UTRN: variants seen among roughly 807,000 people sequenced by gnomAD.
UTRN encodes the protein dystrophin-related protein 1.
In UTRN, 283 loss-of-function variants were observed where a neutral mutation model predicts 463.9. That is an observed-to-expected ratio of 0.61 (90% CI 0.55 to 0.67). UTRN has a LOEUF of 0.67. UTRN is among the 30% of genes least tolerant of loss of function. The probability of loss-of-function intolerance (pLI) is 0.00; values close to 1 mark genes in which losing one functional copy is unlikely to be tolerated. For synonymous variants in UTRN, 1,442 were observed against 1,431.5 expected, an observed-to-expected ratio of 1.01 and a Z score of -0.17; for missense variants, 3,922 against 4,084.3, an observed-to-expected ratio of 0.96 and a Z score of 1.08.
chr6:144,335,250 T>TCAACAAGCCA (rs1776629796), intron 2 of UTRN, among the ~76,000 whole-genome samples: 1 of 152,264 alleles, frequency 6.6e-6, no homozygotes, highest in African/African-American at 2.4e-5. Context: ...AGGAATGGCT[T>TCAACAAGCCA]GTTGACCACT....
At chr6:144,388,743 C>G (rs1303474157) in intron 2 of UTRN, among the ~76,000 whole-genome samples, 2 of 152,096 alleles carry the variant, frequency 1.3e-5, no homozygotes, top group African/African-American at 2.4e-5. Flanking sequence ...CTCAAGCAGT[C>G]CACCCACTTG....
intron 28 of UTRN, among the ~76,000 whole-genome samples, chr6:144,487,266 A>G (rs1792557650): frequency 6.6e-6 from 1 of 152,166 alleles, no homozygotes; most frequent in Non-Finnish European, 1.5e-5. Flanking sequence ...CTTGGGCTCA[A>G]GTGATCCTCC....
At chr6:144,664,559 T>G (rs1212870491) in intron 51 of UTRN, among the ~76,000 whole-genome samples, 2 of 150,430 alleles carry the variant, frequency 1.3e-5, no homozygotes, top group Non-Finnish European at 2.9e-5. Context: ...CCACCTCGAG[T>G]CTTACCTATA....
At chr6:144,695,210 ACC>A (rs1783865509) in intron 52 of UTRN, among the ~76,000 whole-genome samples, 1 of 152,208 alleles carries the variant, frequency 6.6e-6, no homozygotes, top group Non-Finnish European at 1.5e-5. Flanking sequence ...TGCTAGATCT[ACC>A]CTAAGTGTTT....
chr6:144,762,287 A>G (rs933220622), intron 58 of UTRN, among the ~76,000 whole-genome samples: 3 of 152,174 alleles, frequency 2.0e-5, no homozygotes, highest in Non-Finnish European at 2.9e-5. Flanking sequence ...CCTGGCCCCA[A>G]TATTAGTTGA....
intron 53 of UTRN, among the ~76,000 whole-genome samples, chr6:144,721,070 A>C (rs973789527): frequency 2.0e-5 from 3 of 152,180 alleles, no homozygotes; most frequent in African/African-American, 7.2e-5. Flanking sequence ...AGAAAATTTG[A>C]ATGTTTTCTT....
Position 144,291,911 on chromosome 6 carries a change from G to A in UTRN, c.79+4G>A, listed in dbSNP as rs2114509916. The A allele has an allele frequency of 1.9e-6, 3 of 1,604,248 alleles. No homozygotes were observed. The highest frequency in any genetic ancestry group is 2.6e-6 in the Non-Finnish European group (3 of 1,175,782). On this transcript the variant is annotated splice_donor_region_variant and intron_variant, in intron 2 of 74. Coordinates refer to ENST00000367545, the MANE Select transcript of UTRN (RefSeq NM_007124.3). ...GATATCATTAAGTCCAGATCTGGTAGGTAAAGGAAGCTCAAGAAAGCTATG... is the reference window on the plus strand; with the variant it reads ...GATATCATTAAGTCCAGATCTGGTAAGTAAAGGAAGCTCAAGAAAGCTATG...
At chr6:144,709,993 T>A (rs1043901687) in intron 53 of UTRN, among the ~76,000 whole-genome samples, 1 of 152,216 alleles carries the variant, frequency 6.6e-6, no homozygotes, top group South Asian at 2.1e-4. Flanking sequence ...ACCAAATGTC[T>A]TAATGTTAAA....
intron 50 of UTRN, among the ~76,000 whole-genome samples, chr6:144,566,827 G>A (rs1188840952): frequency 6.6e-6 from 1 of 152,094 alleles, no homozygotes; most frequent in Non-Finnish European, 1.5e-5. Flanking sequence ...TAAAGGATCT[G>A]AGAGAAAAAG....
At chr6:144,725,264 C>T (rs1297381699) in intron 53 of UTRN, among the ~76,000 whole-genome samples, 7 of 152,194 alleles carry the variant, frequency 4.6e-5, no homozygotes, top group African/African-American at 1.4e-4. Flanking sequence ...GCTCTTCCTT[C>T]GTCTTCTGCA....
intron 65 of UTRN, among the ~76,000 whole-genome samples, chr6:144,819,460 T>C (rs1779367534): frequency 1.3e-5 from 2 of 152,090 alleles, no homozygotes; most frequent in Non-Finnish European, 2.9e-5. Context: ...TTTGGGAATC[T>C]GAGGCAGGTG....
chr6:144,661,182 T>C (rs1441036673), intron 51 of UTRN, among the ~76,000 whole-genome samples: 1 of 152,164 alleles, frequency 6.6e-6, no homozygotes, highest in Non-Finnish European at 1.5e-5. Flanking sequence ...ACAAATACTG[T>C]AGAAGCGGGA....
intron 48 of UTRN, among the ~76,000 whole-genome samples, chr6:144,551,734 A>T (rs1798937025): frequency 6.6e-6 from 1 of 152,182 alleles, no homozygotes; most frequent in Admixed American, 6.5e-5. Context: ...ACACCTAGGG[A>T]TTGTCACAAT....
At chr6:144,824,572 TTATATATATATATATA>T (rs71028314) in intron 66 of UTRN, among the ~76,000 whole-genome samples, 3,519 of 37,814 alleles carry the variant, frequency 0.093, 257 homozygotes, top group East Asian at 0.22. Context: ...AGCATTTTAT[TTATATATATATATATA>T]TATATATATA....
chr6:144,523,123 A>G lies in UTRN; in HGVS notation c.5841A>G (p.Arg1947=), dbSNP rs1451354207. Residue 1947 remains arginine, a synonymous_variant, in exon 41 of 75, where the codon AGA becomes AGG. Transcript: ENST00000367545. ...EASGPEAIQI[R]DTLTQLNAKW... is the part of the protein sequence containing the mutation. ...CTGGACCTGAAGCCATTCAGATCAG[A>G]GATACACTTACTCAGCTGAATGCAA... 1.2e-6 allele frequency: 2 copies of G among 1,613,638 alleles called. No homozygotes were observed. Among genetic ancestry groups the G allele is most frequent in the African/African-American group, 1.3e-5 (1 of 75,038 alleles).
chr6:144,726,187 A>T (rs1255752514), intron 53 of UTRN, among the ~76,000 whole-genome samples: 1 of 152,222 alleles, frequency 6.6e-6, no homozygotes, highest in East Asian at 1.9e-4. Context: ...CCAACTTGTC[A>T]GTGGCTTCCC....
chr6:144,426,932 T>C (rs1349739870), intron 7 of UTRN, among the ~76,000 whole-genome samples: 2 of 152,180 alleles, frequency 1.3e-5, no homozygotes, highest in Non-Finnish European at 2.9e-5. Context: ...TGAGGAAGAA[T>C]CAGGCTGAAA....
intron 27 of UTRN, among the ~76,000 whole-genome samples, chr6:144,483,245 G>A (rs1792074304): frequency 6.6e-6 from 1 of 152,154 alleles, no homozygotes; most frequent in African/African-American, 2.4e-5. Flanking sequence ...AGGCAAGTTA[G>A]TAAGAAAGCT....
intron 51 of UTRN, among the ~76,000 whole-genome samples, chr6:144,583,794 T>C (rs1802205869): frequency 6.6e-6 from 1 of 152,212 alleles, no homozygotes; most frequent in Non-Finnish European, 1.5e-5. Flanking sequence ...TTTTAGTACA[T>C]AGTTTCTTTT....
Sources: allele counts gnomAD v4.1 joint callset (sites outside exome capture counted in the v4.1 genomes callset), GRCh38; gene constraint gnomAD v4.1.1; transcripts MANE v1.5; gene names NCBI Gene and HGNC (gene_info 2026-07-23, HGNC 2026-07-21).